CMSS1: variants seen among roughly 807,000 people sequenced by gnomAD.
CMSS1 encodes cms1 ribosomal small subunit homolog.
A neutral mutation model predicts 43.5 loss-of-function variants in CMSS1; 33 were observed. The observed-to-expected ratio is 0.76, with a 90% CI of 0.57 to 1.01. CMSS1 has a LOEUF of 1.01. Ranked by LOEUF, CMSS1 falls within the 50% of genes least tolerant of loss-of-function variation. The probability of loss-of-function intolerance (pLI) is 0.00; values close to 1 mark genes in which losing one functional copy is unlikely to be tolerated. For missense variants in CMSS1, 313 were observed against 326.4 expected (o/e 0.96, Z 0.32); for synonymous variants, 115 against 117.2 (o/e 0.98, Z 0.12).
At chr3:100,138,880 G>A (rs1373528726) in intron 1 of CMSS1, among the ~76,000 whole-genome samples, 1 of 152,158 alleles carries the variant, frequency 6.6e-6, no homozygotes, top group Non-Finnish European at 1.5e-5. Flanking sequence ...CTACTCTGAA[G>A]ACACATGCAC....
intron 2 of CMSS1, among the ~76,000 whole-genome samples, chr3:100,148,729 G>A (rs995887137): frequency 6.6e-6 from 1 of 151,990 alleles, no homozygotes; most frequent in Non-Finnish European, 1.5e-5. Flanking sequence ...TCACTGAAGT[G>A]TTAATTATTA....
chr3:99,854,269 T>G (rs1386542158), intron 1 of CMSS1, among the ~76,000 whole-genome samples: 4 of 152,168 alleles, frequency 2.6e-5, no homozygotes, highest in African/African-American at 7.2e-5. Context: ...GTCTCCATTA[T>G]TTTTCTTTGC....
intron 1 of CMSS1, among the ~76,000 whole-genome samples, chr3:100,128,124 G>C (rs1408370812): frequency 6.6e-6 from 1 of 152,196 alleles, no homozygotes; most frequent in Non-Finnish European, 1.5e-5. Context: ...AACTGTCCAG[G>C]CAAAGTGCTT....
intron 1 of CMSS1, chr3:99,849,272 T>A (rs749474483): frequency 6.2e-7 from 1 of 1,614,190 alleles, no homozygotes; most frequent in Non-Finnish European, 8.5e-7. Context: ...ACTGCTTCTG[T>A]CTGAACTTCT....
intron 1 of CMSS1, among the ~76,000 whole-genome samples, chr3:99,998,401 A>C (rs1576630429): frequency 6.6e-6 from 1 of 152,320 alleles, no homozygotes; most frequent in East Asian, 1.9e-4. Context: ...TTTGTATACC[A>C]ACACATTCTT....
intron 1 of CMSS1, among the ~76,000 whole-genome samples, chr3:99,868,210 T>C (rs1944615464): frequency 6.6e-6 from 1 of 152,150 alleles, no homozygotes; most frequent in South Asian, 2.1e-4. Context: ...TTAGGAAAGT[T>C]CTTGTGGGTT....
At chr3:100,024,716 C>T (rs1219475337) in intron 1 of CMSS1, among the ~76,000 whole-genome samples, 1 of 152,168 alleles carries the variant, frequency 6.6e-6, no homozygotes, top group Non-Finnish European at 1.5e-5. Context: ...TGTGTGGGCT[C>T]AGTCCTGGTT....
At chr3:99,915,203 A>G (rs1447370979) in intron 1 of CMSS1, among the ~76,000 whole-genome samples, 2 of 152,218 alleles carry the variant, frequency 1.3e-5, no homozygotes, top group African/African-American at 2.4e-5. Context: ...ACCGAAGGGA[A>G]TGAATCCAGA....
intron 1 of CMSS1, among the ~76,000 whole-genome samples, chr3:100,017,705 C>A (rs992200821): frequency 6.6e-6 from 1 of 150,608 alleles, no homozygotes; most frequent in East Asian, 2.0e-4. Context: ...GGGGAGGATC[C>A]CTTGAGCCCA....
At chr3:99,938,509 A>G (rs866436791) in intron 1 of CMSS1, among the ~76,000 whole-genome samples, 1 of 152,186 alleles carries the variant, frequency 6.6e-6, no homozygotes, top group Non-Finnish European at 1.5e-5. Context: ...AATATATTTA[A>G]CACCCCATAC....
intron 1 of CMSS1, among the ~76,000 whole-genome samples, chr3:99,841,916 A>G (rs1395654789): frequency 6.6e-6 from 1 of 152,198 alleles, no homozygotes; most frequent in African/African-American, 2.4e-5. Context: ...CATGGAAAAC[A>G]GTGTGGAGAT....
chr3:100,093,745 C>A (rs996839274), intron 1 of CMSS1, among the ~76,000 whole-genome samples: 1 of 152,196 alleles, frequency 6.6e-6, no homozygotes, highest in African/African-American at 2.4e-5. Context: ...ATCACTACTT[C>A]TCAATTTATA....
At chr3:99,888,111 A>G (rs192811140) in intron 1 of CMSS1, among the ~76,000 whole-genome samples, 37 of 152,356 alleles carry the variant, frequency 2.4e-4, no homozygotes, top group African/African-American at 8.7e-4. Flanking sequence ...AGCAGCATCT[A>G]TTGAAAAATT....
intron 1 of CMSS1, among the ~76,000 whole-genome samples, chr3:99,948,791 AAG>A (rs982775030): frequency 1.2e-4 from 18 of 151,826 alleles, no homozygotes; most frequent in Admixed American, 2.6e-4. Context: ...AGGAAAGAAA[AAG>A]AGAAGAAAGA....
chr3:99,857,186 G>A (rs1176712034), intron 1 of CMSS1, among the ~76,000 whole-genome samples: 1 of 147,974 alleles, frequency 6.8e-6, no homozygotes, highest in African/African-American at 2.6e-5. Flanking sequence ...CTATTTAAGA[G>A]GATGCTCTAA....
At chr3:99,941,578 G>A (rs562545429) in intron 1 of CMSS1, among the ~76,000 whole-genome samples, 3 of 152,330 alleles carry the variant, frequency 2.0e-5, no homozygotes, top group South Asian at 2.1e-4. Context: ...AAGGTCAACT[G>A]TGGGTATGCA....
rs1708240121 is a variant in CMSS1, at chr3:99,953,600, G to A, written c.64+135557G>A. 2.0e-5 allele frequency among the ~76,000 whole-genome samples: 3 copies of A among 152,142 alleles called. No individual in the cohort carries two copies. The South Asian group carries it at 6.2e-4, about 31-fold the overall frequency. ...TAAAGAATTCAATAAAATCCAACCA[G>A]TCTTTTCTAAGATGACTTTGTGAGG... On this transcript the variant is annotated intron_variant, in intron 1 of 9. Coordinates refer to ENST00000421999, the MANE Select transcript of CMSS1 (RefSeq NM_032359.4).
chr3:100,134,484 A>T (rs939615203), intron 1 of CMSS1, among the ~76,000 whole-genome samples: 1 of 152,212 alleles, frequency 6.6e-6, no homozygotes, highest in South Asian at 2.1e-4. Flanking sequence ...AAGTTCGAGG[A>T]TGGCCTCATC....
intron 1 of CMSS1, among the ~76,000 whole-genome samples, chr3:99,993,404 A>G (rs186408780): frequency 6.6e-6 from 1 of 152,174 alleles, no homozygotes; most frequent in Admixed American, 6.5e-5. Context: ...TTCTAGATAT[A>G]AGATCATATC....
Sources: gnomAD v4.1 joint callset for allele counts (sites outside exome capture counted in the v4.1 genomes callset) on GRCh38, gnomAD v4.1.1 for gene constraint, MANE v1.5 for transcripts, NCBI Gene and HGNC (gene_info 2026-07-23, HGNC 2026-07-21) for gene names.